The following DENND2A variants were observed in gnomAD, a reference collection of about 807,000 sequenced individuals.
DENND2A encodes DENN domain-containing protein 2A.
Under a neutral mutation model 105.3 loss-of-function variants are expected in DENND2A, and 53 were observed. The observed-to-expected ratio is 0.50, with a 90% CI of 0.40 to 0.63. The LOEUF (loss-of-function observed/expected upper bound fraction) is 0.63. Among genes scored for constraint, DENND2A ranks in the 30% least tolerant of loss-of-function variants. DENND2A has a pLI of 0.00. For synonymous variants in DENND2A, 522 were observed against 508.4 expected (o/e 1.03, Z -0.36); for missense variants, 1,138 against 1,279.6 (o/e 0.89, Z 1.69).
intron 1 of DENND2A, among the ~76,000 whole-genome samples, chr7:140,607,194 T>C (rs1330288100): frequency 1.3e-5 from 2 of 152,158 alleles, no homozygotes; most frequent in Admixed American, 6.5e-5. Flanking sequence ...TGCTAGGTGA[T>C]GGGATGGCTG....
At chr7:140,612,247 A>G (rs1799926860) in intron 1 of DENND2A, among the ~76,000 whole-genome samples, 2 of 144,760 alleles carry the variant, frequency 1.4e-5, no homozygotes, top group Non-Finnish European at 2.9e-5. Flanking sequence ...TCTCAAGAAA[A>G]AAAAGGAAAA....
At chr7:140,598,381 C>G (rs549802930) in intron 3 of DENND2A, among the ~76,000 whole-genome samples, 15 of 152,152 alleles carry the variant, frequency 9.9e-5, no homozygotes, top group Non-Finnish European at 1.9e-4. Context: ...ACTCTAGATG[C>G]GTTACCATTA....
chr7:140,590,793 G>A (rs536441926), intron 3 of DENND2A, among the ~76,000 whole-genome samples: 2 of 151,964 alleles, frequency 1.3e-5, no homozygotes, highest in South Asian at 4.2e-4. Flanking sequence ...GATCCCTTGA[G>A]CCTAGGAGGC....
intron 1 of DENND2A, among the ~76,000 whole-genome samples, chr7:140,638,469 G>A (rs1286782084): frequency 3.3e-5 from 5 of 152,012 alleles, no homozygotes. Context: ...AGTAATTCTG[G>A]CCTGGGTGTT....
chr7:140,576,442 T>A (rs553672971), intron 5 of DENND2A, among the ~76,000 whole-genome samples: 2 of 152,314 alleles, frequency 1.3e-5, no homozygotes, highest in East Asian at 3.9e-4. Flanking sequence ...TTTTGTGATA[T>A]GTTCATCTAA....
chr7:140,617,304 T>C (rs367775421), intron 1 of DENND2A, among the ~76,000 whole-genome samples: 1 of 152,208 alleles, frequency 6.6e-6, no homozygotes, highest in South Asian at 2.1e-4. Context: ...GATTCTTCCC[T>C]CCATGGCCTT....
chr7:140,577,531 G>A lies in DENND2A; in HGVS notation c.1246-3523C>T, dbSNP rs561900483. Reference sequence around the variant, plus strand: ...TCCTGCCTCAGCCTCCCGAGTAGCTGGGATTACAGGCGAGTGCCACCACGC... The same window carrying A: ...TCCTGCCTCAGCCTCCCGAGTAGCTAGGATTACAGGCGAGTGCCACCACGC... On this transcript the variant is annotated intron_variant, in intron 5 of 19. Transcript: ENST00000496613. 3.3e-5 allele frequency among the ~76,000 whole-genome samples: 5 copies of A among 152,074 alleles called. No individual in the cohort carries two copies. The South Asian group carries it at 1.0e-3, about 32-fold the overall frequency.
intron 12 of DENND2A, among the ~76,000 whole-genome samples, chr7:140,551,025 G>T (rs1441478539): frequency 1.3e-5 from 2 of 151,754 alleles, no homozygotes; most frequent in Non-Finnish European, 2.9e-5. Flanking sequence ...TTGTGGCCGG[G>T]CACAGTGGCT....
At position 140,580,696 on chromosome 7, in the gene DENND2A, G is replaced by C. The variant is rs368985943; in HGVS notation, c.1245+4893C>G. Among the ~76,000 whole-genome samples the C allele has an allele frequency of 1.1e-3, 173 of 152,098 alleles. 6 individuals are homozygous for C. In the South Asian group the frequency reaches 0.035, roughly 31 times the overall value. ...CTGTTGCCCAGGCTGGAGTGTAGTG[G>C]TGCAATCTCAGCTCACTGAAACCTC... On this transcript the variant is annotated intron_variant, in intron 5 of 19. Transcript: ENST00000496613.
chr7:140,537,253 C>G (rs953075687), intron 14 of DENND2A, among the ~76,000 whole-genome samples: 2 of 152,080 alleles, frequency 1.3e-5, no homozygotes, highest in African/African-American at 2.4e-5. Context: ...TGAACCAAAC[C>G]GAACAAATAA....
intron 7 of DENND2A, among the ~76,000 whole-genome samples, chr7:140,569,218 C>G (rs758034447): frequency 2.0e-5 from 3 of 152,206 alleles, no homozygotes; most frequent in Non-Finnish European, 4.4e-5. Context: ...TGAGCCACCG[C>G]GCCCCGCCTC....
intron 6 of DENND2A, among the ~76,000 whole-genome samples, chr7:140,573,238 A>G (rs1447150366): frequency 1.3e-5 from 2 of 152,246 alleles, no homozygotes; most frequent in African/African-American, 4.8e-5. Context: ...AGGGTAGAGG[A>G]GAAATTCTGC....
At chr7:140,578,474 C>T (rs905925791) in intron 5 of DENND2A, among the ~76,000 whole-genome samples, 1 of 152,212 alleles carries the variant, frequency 6.6e-6, no homozygotes. Context: ...TCTTAGGAGA[C>T]CTCCTGTGCT....
chr7:140,635,220 A>C (rs1257029752), intron 1 of DENND2A, among the ~76,000 whole-genome samples: 1 of 152,020 alleles, frequency 6.6e-6, no homozygotes, highest in Non-Finnish European at 1.5e-5. Context: ...CCATCATTAC[A>C]CCACTGCACT....
In DENND2A at chr7:140,605,772, T is replaced by A. The variant is rs1222768088; in HGVS notation, c.-213A>T. ...CTGCCCTTGGCCGGCCTGCACACTG[T>A]CATCATGTCAGTACCGAGGGGAGTT... On this transcript the variant is annotated 5_prime_UTR_variant, in exon 2 of 20. Transcript: ENST00000496613. 2 of 151,632 alleles carry A rather than the reference T, an allele frequency of 1.3e-5. No homozygotes were observed. The highest frequency in any genetic ancestry group is 1.3e-4 in the Admixed American group (2 of 15,240). 9.4% of individuals were successfully genotyped at this position (151,632 alleles called of 1,614,324 possible).
At chr7:140,562,170 G>A (rs775822474) in intron 9 of DENND2A, among the ~76,000 whole-genome samples, 4 of 152,038 alleles carry the variant, frequency 2.6e-5, no homozygotes, top group African/African-American at 4.8e-5. Flanking sequence ...TTACAGGCGT[G>A]AGCCACCGCG....
At chr7:140,636,028 G>A (rs1800918350) in intron 1 of DENND2A, among the ~76,000 whole-genome samples, 1 of 152,098 alleles carries the variant, frequency 6.6e-6, no homozygotes, top group Non-Finnish European at 1.5e-5. Flanking sequence ...GGGCCAGCGG[G>A]GCCTGGCACT....
At chr7:140,520,839 G>A (rs12703977) in intron 18 of DENND2A, among the ~76,000 whole-genome samples, 61,008 of 151,026 alleles carry the variant, frequency 0.4, 14,798 homozygotes, top group East Asian at 0.76. Context: ...GATTACAGGC[G>A]CGCGCCACAG....
chr7:140,628,536 C>CT (rs987018660), intron 1 of DENND2A, among the ~76,000 whole-genome samples: 15,070 of 116,120 alleles, frequency 0.13, 1,321 homozygotes, highest in East Asian at 0.28. Context: ...AAATTTCTTT[C>CT]TTTTTTTTTT....
Sources: gnomAD v4.1 joint callset for allele counts (sites outside exome capture counted in the v4.1 genomes callset) on GRCh38, gnomAD v4.1.1 for gene constraint, MANE v1.5 for transcripts, NCBI Gene and HGNC (gene_info 2026-07-23, HGNC 2026-07-21) for gene names.